The following POU6F2 variants were observed in gnomAD, a reference collection of about 807,000 sequenced individuals.
POU6F2 encodes POU domain, class 6, transcription factor 2.
Under a neutral mutation model 71.3 loss-of-function variants are expected in POU6F2, and 31 were observed. That is an observed-to-expected ratio of 0.43 (90% confidence interval 0.33 to 0.59). POU6F2 has a LOEUF of 0.59. POU6F2 is among the 20% of genes least tolerant of loss of function. POU6F2 has a pLI of 0.04. For missense variants in POU6F2, 783 were observed against 856.8 expected (o/e 0.91, Z 1.07); for synonymous variants, 347 against 355.7 (o/e 0.98, Z 0.27).
chr7:39,420,663 ATTAAG>A (rs1197880091), intron 6 of POU6F2, among the ~76,000 whole-genome samples: 1 of 152,190 alleles, frequency 6.6e-6, no homozygotes, highest in African/African-American at 2.4e-5. Context: ...TGAGTTATGG[ATTAAG>A]TTAATGGTTT....
rs1437030599 is a variant in POU6F2, at chr7:39,359,026, T to C, written c.972+19011T>C. Among the ~76,000 whole-genome samples, 5 of 152,318 alleles carry C rather than the reference T, an allele frequency of 3.3e-5. 1 individual carries two copies. The highest frequency in any genetic ancestry group is 3.9e-4 in the East Asian group (2 of 5,192). ...TTACTGCATAGATCTGTGAGTCTTATTCGCTTCTGTTTCCTTCATGCCTAA... is the reference window on the plus strand; with the variant it reads ...TTACTGCATAGATCTGTGAGTCTTACTCGCTTCTGTTTCCTTCATGCCTAA... On this transcript the variant is annotated intron_variant, in intron 5 of 9. Transcript: ENST00000518318.
At chr7:39,140,771 G>T (rs985564745) in intron 2 of POU6F2, among the ~76,000 whole-genome samples, 4 of 152,160 alleles carry the variant, frequency 2.6e-5, no homozygotes, top group African/African-American at 9.7e-5. Context: ...GCGCTATTCT[G>T]CCTGCCATGG....
chr7:39,422,824 G>C (rs892143662), intron 6 of POU6F2, among the ~76,000 whole-genome samples: 1 of 152,104 alleles, frequency 6.6e-6, no homozygotes, highest in Non-Finnish European at 1.5e-5. Flanking sequence ...CCTGACTTAC[G>C]TAGGCATTTT....
intron 1 of POU6F2, among the ~76,000 whole-genome samples, chr7:39,069,774 GGTGGATTATCATAAAC>G (rs1265920570): frequency 3.3e-5 from 5 of 152,152 alleles, no homozygotes; most frequent in African/African-American, 1.2e-4. Context: ...ATTAAGTACA[GGTGGATTATCATAAAC>G]GTATTCATCT....
intron 1 of POU6F2, among the ~76,000 whole-genome samples, chr7:39,064,474 C>CA (rs1226639857): frequency 1.3e-5 from 2 of 150,414 alleles, no homozygotes; most frequent in African/African-American, 4.9e-5. Context: ...ACAAATGAAA[C>CA]AAAAAAACAA....
At chr7:39,392,691 A>G (rs1004808194) in intron 5 of POU6F2, among the ~76,000 whole-genome samples, 6 of 152,196 alleles carry the variant, frequency 3.9e-5, no homozygotes, top group African/African-American at 1.4e-4. Flanking sequence ...ATGTAGTTCA[A>G]CCTTCTCAAT....
At position 39,082,794 on chromosome 7, in the gene POU6F2, GCACACACACACA is replaced by G. The variant is rs35710081; in HGVS notation, c.106-3035_106-3024del. ...GGGGTTTGCTGTTTAACCATGTCATGCACACACACACACACACACACACACACACACACACAC... is the reference window on the plus strand; with the variant it reads ...GGGGTTTGCTGTTTAACCATGTCATGCACACACACACACACACACACACAC... On this transcript the variant is annotated intron_variant, in intron 1 of 9. Transcript: ENST00000518318. Among the ~76,000 whole-genome samples, 353 of 137,162 alleles carry G rather than the reference GCACACACACACA, an allele frequency of 2.6e-3. 1 individual carries two copies. The highest frequency in any genetic ancestry group is 7.5e-3 in the African/African-American group (270 of 36,238). The allele number at this position is 137,162 out of a possible 152,430, so 90.0% of individuals were successfully genotyped here. A position where few individuals can be genotyped will look rare whatever the true frequency, so the allele number is the denominator to read the frequency against.
chr7:39,412,619 G>A (rs931931506), intron 6 of POU6F2, among the ~76,000 whole-genome samples: 2 of 151,950 alleles, frequency 1.3e-5, no homozygotes, highest in African/African-American at 4.8e-5. Flanking sequence ...CAGTTGATCA[G>A]GAGTTTAGGG....
chr7:39,209,049 G>C (rs779333012), intron 4 of POU6F2, among the ~76,000 whole-genome samples: 2 of 151,686 alleles, frequency 1.3e-5, no homozygotes, highest in Non-Finnish European at 1.5e-5. Context: ...CCAAAAATCA[G>C]AGTTTAAAAA....
intron 4 of POU6F2, among the ~76,000 whole-genome samples, chr7:39,332,142 G>A (rs757591658): frequency 6.6e-6 from 1 of 152,150 alleles, no homozygotes; most frequent in African/African-American, 2.4e-5. Context: ...TATTTGGATT[G>A]TGACTTTCCC....
At chr7:39,070,399 A>ACACTTCTGCTTTTGCCTCCC (rs1207078894) in intron 1 of POU6F2, among the ~76,000 whole-genome samples, 1 of 150,024 alleles carries the variant, frequency 6.7e-6, no homozygotes, top group Admixed American at 6.6e-5. Flanking sequence ...TTTTGCCTCC[A>ACACTTCTGCTTTTGCCTCCC]CACTTCTGCT....
intron 1 of POU6F2, among the ~76,000 whole-genome samples, chr7:39,014,271 A>T (rs1335231344): frequency 1.3e-5 from 2 of 152,180 alleles, no homozygotes; most frequent in Non-Finnish European, 2.9e-5. Flanking sequence ...CTTTAAATGA[A>T]CATTTCCCAC....
intron 4 of POU6F2, among the ~76,000 whole-genome samples, chr7:39,309,425 G>T (rs535670733): frequency 5.8e-4 from 88 of 152,322 alleles, no homozygotes; most frequent in African/African-American, 2.0e-3. Context: ...TGGAAGAAAT[G>T]AAGGAGTAGA....
In POU6F2 at chr7:39,086,021, C is replaced by T; in HGVS notation, c.267C>T (p.Ser89=). ...CAAATGACAGCGAGGACACTCCCAGCAAGCTCTTCGGTAAGTCTGTCTAGG... is the reference window on the plus strand; with the variant it reads ...CAAATGACAGCGAGGACACTCCCAGTAAGCTCTTCGGTAAGTCTGTCTAGG... ...VESNDSEDTP[S]KLFGARGNPA... The change falls in exon 2 of 10, where the codon AGC becomes AGT. Residue 89 remains serine (S), a synonymous_variant. Coordinates refer to ENST00000518318, the MANE Select transcript of POU6F2 (RefSeq NM_001370959.1). 1 of 1,613,548 alleles carries T rather than the reference C, an allele frequency of 6.2e-7. No individual in the cohort carries two copies. The highest frequency in any genetic ancestry group is 8.5e-7 in the Non-Finnish European group (1 of 1,179,692).
chr7:39,264,268 A>T (rs1178320425), intron 4 of POU6F2, among the ~76,000 whole-genome samples: 1 of 152,210 alleles, frequency 6.6e-6, no homozygotes, highest in Admixed American at 6.5e-5. Flanking sequence ...TAAGTGCTCT[A>T]TTGGTGTTAG....
chr7:39,438,201 T>G (rs1173954154), intron 7 of POU6F2, among the ~76,000 whole-genome samples: 1 of 68,818 alleles, frequency 1.5e-5, no homozygotes, highest in East Asian at 1.0e-3. Flanking sequence ...CGATGTTTGG[T>G]TTTTTTGTCC....
At chr7:39,353,174 G>A (rs550100236) in intron 5 of POU6F2, among the ~76,000 whole-genome samples, 2 of 152,346 alleles carry the variant, frequency 1.3e-5, no homozygotes, top group Admixed American at 1.3e-4. Context: ...TGGACGGGCA[G>A]GTCCTGCTGA....
intron 5 of POU6F2, among the ~76,000 whole-genome samples, chr7:39,358,376 C>T (rs1025678175): frequency 6.6e-6 from 1 of 151,862 alleles, no homozygotes; most frequent in Non-Finnish European, 1.5e-5. Flanking sequence ...GCTGATGGGT[C>T]CATGTGACCT....
At chr7:39,323,816 G>C (rs1785449573) in intron 4 of POU6F2, among the ~76,000 whole-genome samples, 2 of 152,078 alleles carry the variant, frequency 1.3e-5, no homozygotes, top group Admixed American at 1.3e-4. Context: ...TCAGTTAAAA[G>C]GCCCTTGCAC....
Sources: gnomAD v4.1 joint callset for allele counts (sites outside exome capture counted in the v4.1 genomes callset) on GRCh38, gnomAD v4.1.1 for gene constraint, MANE v1.5 for transcripts, NCBI Gene and HGNC (gene_info 2026-07-23, HGNC 2026-07-21) for gene names.